Variants in ZNFX1 observed in about 807,000 individuals in gnomAD.
The protein encoded by ZNFX1 is NFX1-type zinc finger-containing protein 1.
ZNFX1 carries 78 observed loss-of-function variants against 179.8 expected under a neutral mutation model. That is an observed-to-expected ratio of 0.43 (90% CI 0.36 to 0.52). The LOEUF is 0.52. ZNFX1 is among the 20% of genes least tolerant of loss of function. ZNFX1 has a pLI of 0.00. For synonymous variants in ZNFX1, 848 were observed against 868.5 expected (o/e 0.98, Z 0.42); for missense variants, 1,927 against 2,386.6 (o/e 0.81, Z 4.01).
At chr20:49,263,842 A>G (rs148182008) in intron 5 of ZNFX1, among the ~76,000 whole-genome samples, 2 of 152,214 alleles carry the variant, frequency 1.3e-5, no homozygotes, top group East Asian at 3.9e-4. Context: ...CTTATCCAAA[A>G]TGCTTGGGAC....
chr20:49,263,333 C>A lies in ZNFX1; in HGVS notation c.2301+1G>T. On this transcript the variant is annotated splice_donor_variant, in intron 6 of 13. Transcript: ENST00000396105. LOFTEE classifies it high-confidence loss of function. ...TTTGTGTCCCCCAGGATGACCCCTA[C>A]CTGCACTGGTCCATTCATGAGACTT... is the stretch of plus-strand genomic sequence containing the variant. 1 of 1,613,024 alleles carries A rather than the reference C, an allele frequency of 6.2e-7. No individual in the cohort carries two copies. The highest frequency in any genetic ancestry group is 8.5e-7 in the Non-Finnish European group (1 of 1,179,998).
At chr20:49,256,435 C>T (rs113395483) in intron 8 of ZNFX1, among the ~76,000 whole-genome samples, 7 of 152,180 alleles carry the variant, frequency 4.6e-5, no homozygotes, top group African/African-American at 1.7e-4. Context: ...GCAACTGGTG[C>T]TTCACACAGG....
At chr20:49,256,096 G>T in intron 8 of ZNFX1, 149 bp from the exon 9 acceptor site, 1 of 1,007,810 alleles carries the variant, frequency 9.9e-7, no homozygotes, top group Non-Finnish European at 1.4e-6. Flanking sequence ...CTCTTCCACT[G>T]TAGAGTGGCT....
chr20:49,277,342 G>A (rs1311443246), intron 1 of ZNFX1, among the ~76,000 whole-genome samples: 2 of 151,828 alleles, frequency 1.3e-5, no homozygotes, highest in Admixed American at 6.6e-5. Context: ...GTGAGGTGGC[G>A]GGGTTATGGG....
chr20:49,249,924 CTCTT>C (rs1237376071), intron 13 of ZNFX1, among the ~76,000 whole-genome samples: 2 of 152,144 alleles, frequency 1.3e-5, no homozygotes, highest in Non-Finnish European at 2.9e-5. Context: ...AAGATTATGT[CTCTT>C]TCAGTTTTCA....
At chr20:49,251,684 A>C (rs2074818063) in intron 12 of ZNFX1, 62 bp from the exon 13 acceptor site, 2 of 1,441,178 alleles carry the variant, frequency 1.4e-6, no homozygotes, top group African/African-American at 2.9e-5. Context: ...AATTTCTTTA[A>C]AGATAAGGTT....
intron 7 of ZNFX1, among the ~76,000 whole-genome samples, chr20:49,259,701 T>G (rs1981068641): frequency 6.6e-6 from 1 of 152,220 alleles, no homozygotes; most frequent in African/African-American, 2.4e-5. Flanking sequence ...AGTGCTGGGA[T>G]TACATGCATG....
chr20:49,267,580 C>T lies in ZNFX1; in HGVS notation c.1871-1314G>A, dbSNP rs951153891. The stretch of plus-strand genomic sequence containing the variant: ...TTTGTTTTCTTTTGGTACTTCCTTT[C>T]GGAGAGTAATTTAGCAGTAGCTATT... On this transcript the variant is annotated intron_variant, in intron 3 of 13. Transcript: ENST00000396105. Among the ~76,000 whole-genome samples the T allele has an allele frequency of 2.0e-5, 3 of 148,956 alleles. No homozygotes were observed. In the Admixed American group the frequency reaches 2.0e-4, roughly 10 times the overall value.
chr20:49,262,990 T>G (rs1426104966), intron 6 of ZNFX1, among the ~76,000 whole-genome samples: 2 of 152,222 alleles, frequency 1.3e-5, no homozygotes, highest in African/African-American at 2.4e-5. Context: ...AGAACAAAGA[T>G]CTGTAAGAAA....
intron 13 of ZNFX1, among the ~76,000 whole-genome samples, chr20:49,250,246 G>A (rs1023353065): frequency 2.0e-5 from 3 of 152,090 alleles, no homozygotes; most frequent in Non-Finnish European, 1.5e-5. Context: ...CAGACAGAGT[G>A]AGACTCCATC....
At chr20:49,255,294 C>T (rs544992998) in intron 9 of ZNFX1, among the ~76,000 whole-genome samples, 33 of 151,892 alleles carry the variant, frequency 2.2e-4, no homozygotes, top group South Asian at 2.1e-4. Flanking sequence ...CCGCCTGTCT[C>T]GGCCTCCCGA....
chr20:49,274,249 A>T (rs1352628255), intron 2 of ZNFX1, among the ~76,000 whole-genome samples: 1 of 152,256 alleles, frequency 6.6e-6, no homozygotes, highest in Non-Finnish European at 1.5e-5. Context: ...AGATTTTGAA[A>T]GCTAGTACCA....
At position 49,247,324 on chromosome 20, in the gene ZNFX1, G is replaced by C. The variant is rs1232165145; in HGVS notation, c.5700C>G (p.Ala1900=). Residue 1900 remains alanine, a synonymous_variant, in exon 14 of 14, where the codon GCC becomes GCG. Transcript: ENST00000396105. The part of the protein sequence containing the change: ...ASEMDGAQHA[A]WSDTANNLMN... ...TCAGGTTGTTGGCCGTGTCAGACCA[G>C]GCAGCATGCTGGGCTCCATCCATTT... is the stretch of plus-strand genomic sequence containing the variant. The C allele has an allele frequency of 9.9e-6, 16 of 1,614,030 alleles. No homozygotes were observed. Among genetic ancestry groups the C allele is most frequent in the African/African-American group, 1.3e-5 (1 of 74,928 alleles).
At chr20:49,258,189 G>A (rs1312075233) in intron 7 of ZNFX1, among the ~76,000 whole-genome samples, 3 of 148,738 alleles carry the variant, frequency 2.0e-5, no homozygotes, top group Non-Finnish European at 3.0e-5. Context: ...TCCACCTCCC[G>A]GGTTCAAGCG....
At chr20:49,264,363 CT>C (rs1172176493) in intron 5 of ZNFX1, among the ~76,000 whole-genome samples, 6 of 152,230 alleles carry the variant, frequency 3.9e-5, no homozygotes, top group African/African-American at 1.2e-4. Flanking sequence ...TGTTCTCTCT[CT>C]TTTCCTTAGT....
At chr20:49,269,128 T>C (rs1981315160) in intron 3 of ZNFX1, among the ~76,000 whole-genome samples, 1 of 152,196 alleles carries the variant, frequency 6.6e-6, no homozygotes, top group Non-Finnish European at 1.5e-5. Flanking sequence ...AATGGTGGAC[T>C]GAATAAAGAA....
Position 49,254,531 on chromosome 20 carries a change from G to A in ZNFX1, c.2923C>T (p.Leu975Phe). The change falls in exon 10 of 14, where the codon CTT becomes TTT. Residue 975 changes from leucine (L) to phenylalanine (F), a missense_variant. Coordinates refer to ENST00000396105, the MANE Select transcript of ZNFX1 (RefSeq NM_021035.3). ...ATTCCTACAACCTGGGCATCTTTAA[G>A]AATGTGCAGGTCTTCCTGGAGTCTC... ...ELRLQEDLHI[L>F]KDAQVVGMTT... 7.4e-6 allele frequency: 12 copies of A among 1,614,176 alleles called. No homozygotes were observed. The highest frequency in any genetic ancestry group is 1.0e-5 in the Non-Finnish European group (12 of 1,180,034).
At chr20:49,253,930 T>C in intron 10 of ZNFX1, 119 bp from the exon 11 acceptor site, 1 of 1,221,200 alleles carries the variant, frequency 8.2e-7, no homozygotes, top group Admixed American at 2.1e-5. Flanking sequence ...CGACAGCTGG[T>C]CCTTATAGTG....
chr20:49,263,424 C>T lies in ZNFX1; in HGVS notation c.2211G>A (p.Glu737=), dbSNP rs761294664. 3 of 1,611,898 alleles carry T rather than the reference C, an allele frequency of 1.9e-6. No homozygotes were observed. Among genetic ancestry groups the T allele is most frequent in the Non-Finnish European group, 2.5e-6 (3 of 1,178,966 alleles). The change falls in exon 6 of 14, where the codon GAG becomes GAA. Residue 737 remains glutamate (E), a synonymous_variant. Coordinates refer to ENST00000396105, the MANE Select transcript of ZNFX1 (RefSeq NM_021035.3). The part of the protein sequence containing the change: ...QELHEGAKTL[E]CTMRGVLREQ... ...CCCGTAGGACACCACGCATGGTGCA[C>T]TCCAGGGTCTTGGCTCCTTCATGAA... is the stretch of plus-strand genomic sequence containing the variant.
Sources: gnomAD v4.1 joint callset for allele counts (sites outside exome capture counted in the v4.1 genomes callset) on GRCh38, gnomAD v4.1.1 for gene constraint, MANE v1.5 for transcripts, NCBI Gene and HGNC (gene_info 2026-07-23, HGNC 2026-07-21) for gene names.